SGCZ: variants seen among roughly 807,000 people sequenced by gnomAD.
The protein encoded by SGCZ is sarcoglycan zeta.
A neutral mutation model predicts 41.3 loss-of-function variants in SGCZ; 40 were observed. That is an observed-to-expected ratio of 0.97 (90% CI 0.75 to 1.26). The LOEUF is 1.26. Among genes scored for constraint, SGCZ ranks in the 50% most tolerant of loss-of-function variants. The probability of loss-of-function intolerance (pLI) is 0.00; values close to 1 mark genes in which losing one functional copy is unlikely to be tolerated. For missense variants in SGCZ, 552 were observed against 369.8 expected (o/e 1.49, Z -4.04); for synonymous variants, 206 against 137.5 (o/e 1.50, Z -3.49).
intron 1 of SGCZ, among the ~76,000 whole-genome samples, chr8:14,741,132 G>T (rs531861548): frequency 1.1e-4 from 16 of 151,970 alleles, no homozygotes; most frequent in Non-Finnish European, 2.4e-4. Flanking sequence ...TATGTCTAAA[G>T]CTTGTGTATT....
intron 3 of SGCZ, among the ~76,000 whole-genome samples, chr8:14,287,929 G>T (rs774186990): frequency 6.6e-6 from 1 of 152,004 alleles, no homozygotes. Context: ...AGGGACTATA[G>T]GATTTATTCC....
At chr8:14,842,061 G>A (rs907099884) in intron 1 of SGCZ, among the ~76,000 whole-genome samples, 1 of 152,142 alleles carries the variant, frequency 6.6e-6, no homozygotes, top group African/African-American at 2.4e-5. Flanking sequence ...AAATCCTGGG[G>A]TAGATTCTAG....
intron 1 of SGCZ, among the ~76,000 whole-genome samples, chr8:15,066,041 G>A (rs1410663527): frequency 1.3e-5 from 2 of 152,136 alleles, no homozygotes; most frequent in Admixed American, 6.5e-5. Flanking sequence ...GGGCGCGGTG[G>A]CTCACGCCTG....
chr8:14,213,820 T>C (rs1475534417), intron 4 of SGCZ, among the ~76,000 whole-genome samples: 1 of 152,084 alleles, frequency 6.6e-6, no homozygotes, highest in African/African-American at 2.4e-5. Flanking sequence ...GAAAGCAAAG[T>C]TTCAAGACTT....
chr8:14,600,425 C>G (rs1192680799), intron 1 of SGCZ, among the ~76,000 whole-genome samples: 1 of 152,150 alleles, frequency 6.6e-6, no homozygotes, highest in Non-Finnish European at 1.5e-5. Flanking sequence ...GGAATCTCCT[C>G]CTGCAGAGAT....
intron 3 of SGCZ, among the ~76,000 whole-genome samples, chr8:14,294,282 A>C (rs1800940981): frequency 6.6e-6 from 1 of 151,922 alleles, no homozygotes; most frequent in Admixed American, 6.6e-5. Context: ...AGAGAAAGGT[A>C]GAAATATGTC....
intron 3 of SGCZ, among the ~76,000 whole-genome samples, chr8:14,271,340 C>T (rs943887818): frequency 6.6e-6 from 1 of 152,118 alleles, no homozygotes; most frequent in African/African-American, 2.4e-5. Flanking sequence ...AGATGAGAAT[C>T]ATTTTGTTTT....
intron 4 of SGCZ, among the ~76,000 whole-genome samples, chr8:14,227,482 G>T (rs11992831): frequency 6.6e-6 from 1 of 151,720 alleles, no homozygotes; most frequent in Admixed American, 6.6e-5. Flanking sequence ...TAGGATTATT[G>T]GATCAAAACA....
intron 2 of SGCZ, among the ~76,000 whole-genome samples, chr8:14,372,781 G>C (rs1400207405): frequency 2.6e-5 from 4 of 152,198 alleles, no homozygotes; most frequent in African/African-American, 9.6e-5. Flanking sequence ...AAACCAGTGG[G>C]AAATGAGCCA....
rs543588616 is a variant in SGCZ at position 14,180,190 on chromosome 8, A to G, written c.425-15488T>C. ...CCATCACCAAAAACAGTCTGTCACA[A>G]TAAAAATCCCATAAAAGGGTGAGGG... On this transcript the variant is annotated intron_variant, in intron 4 of 7. Transcript: ENST00000382080. Among the ~76,000 whole-genome samples, 56 of 152,202 alleles carry G rather than the reference A, an allele frequency of 3.7e-4. 1 individual carries two copies. The highest frequency in any genetic ancestry group is 4.6e-4 in the Admixed American group (7 of 15,286).
chr8:15,201,304 C>A (rs1219422130), intron 1 of SGCZ, among the ~76,000 whole-genome samples: 4 of 152,092 alleles, frequency 2.6e-5, no homozygotes, highest in Non-Finnish European at 5.9e-5. Context: ...GGCGTGAGCC[C>A]CCGTGCCAGG....
At chr8:14,492,022 G>A (rs1421127903) in intron 2 of SGCZ, among the ~76,000 whole-genome samples, 1 of 152,096 alleles carries the variant, frequency 6.6e-6, no homozygotes, top group Non-Finnish European at 1.5e-5. Flanking sequence ...ATTAATGTTT[G>A]TAAAAATTAA....
At chr8:15,071,513 G>T (rs757153471) in intron 1 of SGCZ, among the ~76,000 whole-genome samples, 1 of 152,036 alleles carries the variant, frequency 6.6e-6, no homozygotes, top group Non-Finnish European at 1.5e-5. Flanking sequence ...ACTTCACAGG[G>T]CTATGCCAAT....
intron 1 of SGCZ, among the ~76,000 whole-genome samples, chr8:15,004,453 G>A (rs1325823064): frequency 6.6e-6 from 1 of 152,068 alleles, no homozygotes; most frequent in Non-Finnish European, 1.5e-5. Context: ...TTAAGATAGA[G>A]GTGGGAAAAC....
chr8:14,424,297 T>C (rs1799716430), intron 2 of SGCZ, among the ~76,000 whole-genome samples: 1 of 152,164 alleles, frequency 6.6e-6, no homozygotes, highest in South Asian at 2.1e-4. Flanking sequence ...ATTATAATAA[T>C]GAAGGTCATA....
At chr8:14,962,478 A>G (rs1365197191) in intron 1 of SGCZ, among the ~76,000 whole-genome samples, 1 of 152,140 alleles carries the variant, frequency 6.6e-6, no homozygotes, top group Non-Finnish European at 1.5e-5. Flanking sequence ...GATACAATAA[A>G]TGTCATAGAA....
chr8:14,385,633 G>C (rs1551817), intron 2 of SGCZ, among the ~76,000 whole-genome samples: 54,750 of 151,758 alleles, frequency 0.36, 10,767 homozygotes, highest in African/African-American at 0.53. Context: ...TGGGGTCTTG[G>C]TACAGTGATT....
chr8:14,702,858 TAGATAGATA>T (rs1809201667), intron 1 of SGCZ, among the ~76,000 whole-genome samples: 1 of 147,204 alleles, frequency 6.8e-6, no homozygotes, highest in Non-Finnish European at 1.5e-5. Flanking sequence ...GATAGATAGA[TAGATAGATA>T]GATAGATAGA....
intron 1 of SGCZ, among the ~76,000 whole-genome samples, chr8:15,182,828 C>G (rs113821312): frequency 0.03 from 4,503 of 152,312 alleles, 218 homozygotes; most frequent in African/African-American, 0.097. Flanking sequence ...ATTTTTTAAA[C>G]TTTTCGGCTG....
Sources: allele counts gnomAD v4.1 joint callset (sites outside exome capture counted in the v4.1 genomes callset), GRCh38; gene constraint gnomAD v4.1.1; transcripts MANE v1.5; gene names NCBI Gene and HGNC (gene_info 2026-07-23, HGNC 2026-07-21).